CCDC73: variants seen among roughly 807,000 people sequenced by gnomAD.
CCDC73 encodes the protein coiled-coil domain containing 73.
In CCDC73, 95 loss-of-function variants were observed where a neutral mutation model predicts 116.5. That is an observed-to-expected ratio of 0.82 (90% CI 0.69 to 0.97). CCDC73 has a LOEUF of 0.97. Ranked by LOEUF, CCDC73 falls within the 50% of genes least tolerant of loss-of-function variation. The pLI is 0.00. For missense variants in CCDC73, 1,066 were observed against 1,206.8 expected (o/e 0.88, Z 1.73); for synonymous variants, 398 against 401.3 (o/e 0.99, Z 0.10).
chr11:32,648,976 AT>A (rs1481990619), intron 12 of CCDC73, among the ~76,000 whole-genome samples: 2 of 152,168 alleles, frequency 1.3e-5, no homozygotes, highest in East Asian at 1.9e-4. Context: ...TGATCTAGCA[AT>A]TTTGTTAGAT....
intron 13 of CCDC73, among the ~76,000 whole-genome samples, chr11:32,637,011 CTTTTTCTT>C (rs1487151293): frequency 9.6e-5 from 6 of 62,366 alleles, no homozygotes; most frequent in Non-Finnish European, 1.7e-4. Flanking sequence ...TTCACTTTTT[CTTTTTCTT>C]TTTTTTTTTT....
intron 12 of CCDC73, among the ~76,000 whole-genome samples, chr11:32,642,893 T>C (rs1291348852): frequency 5.9e-5 from 9 of 151,760 alleles, no homozygotes; most frequent in African/African-American, 1.4e-4. Flanking sequence ...GTAAAGTTAT[T>C]CTCTCAGTTT....
At chr11:32,650,344 C>T (rs754250121) in intron 12 of CCDC73, among the ~76,000 whole-genome samples, 2 of 152,058 alleles carry the variant, frequency 1.3e-5, no homozygotes, top group Admixed American at 6.6e-5. Context: ...GTGTACATTT[C>T]CTGGGTCTCT....
chr11:32,684,746 G>T (rs1273576818), intron 6 of CCDC73, among the ~76,000 whole-genome samples: 1 of 152,118 alleles, frequency 6.6e-6, no homozygotes, highest in Admixed American at 6.6e-5. Context: ...ACTTTAGGAG[G>T]CTGAGGCTGT....
chr11:32,619,725 G>A (rs1189347343), intron 14 of CCDC73, among the ~76,000 whole-genome samples: 1 of 151,534 alleles, frequency 6.6e-6, no homozygotes, highest in Non-Finnish European at 1.5e-5. Context: ...AGGAGGAGAA[G>A]GAGGAGATGA....
chr11:32,715,150 C>A (rs1384891459), intron 3 of CCDC73, among the ~76,000 whole-genome samples: 1 of 152,098 alleles, frequency 6.6e-6, no homozygotes, highest in African/African-American at 2.4e-5. Context: ...CTTAATCCAG[C>A]CCCTTAAGTG....
chr11:32,829,635 G>A, the CCDC73 span: 1 of 467,284 alleles, frequency 2.1e-6, no homozygotes, highest in Non-Finnish European at 2.8e-6. Context: ...TGGACGCGCC[G>A]AGGGCGCTCT....
intron 8 of CCDC73, 101 bp downstream of exon 8, chr11:32,675,785 C>T (rs1222879921): frequency 2.2e-5 from 27 of 1,230,588 alleles, no homozygotes; most frequent in Non-Finnish European, 2.9e-5. Flanking sequence ...CTGCCATTTA[C>T]TATTATCAGT....
chr11:32,685,589 C>T (rs1321898620), intron 6 of CCDC73, among the ~76,000 whole-genome samples: 3 of 151,838 alleles, frequency 2.0e-5, no homozygotes, highest in Non-Finnish European at 4.4e-5. Flanking sequence ...CAGAGAGGGG[C>T]AAGGGAAGGC....
chr11:32,632,274 G>A (rs1262784920), intron 14 of CCDC73, among the ~76,000 whole-genome samples: 2 of 152,170 alleles, frequency 1.3e-5, no homozygotes, highest in South Asian at 2.1e-4. Flanking sequence ...AGCCCAAGCT[G>A]GGGTGCAGTG....
intron 6 of CCDC73, among the ~76,000 whole-genome samples, chr11:32,695,090 C>T (rs12803283): frequency 0.026 from 3,881 of 152,098 alleles, 84 homozygotes; most frequent in South Asian, 0.053. Flanking sequence ...GCTTGCTGTC[C>T]GGGTGTGGTG....
At chr11:32,682,464 T>A (rs1226581731) in intron 7 of CCDC73, 3 of 152,012 alleles carry the variant, frequency 2.0e-5, no homozygotes, top group Non-Finnish European at 4.4e-5. Context: ...GACTCTTATT[T>A]TCTAACACAC....
At chr11:32,604,422 A>G (rs990442462) in intron 17 of CCDC73, 3 of 152,184 alleles carry the variant, frequency 2.0e-5, no homozygotes, top group African/African-American at 7.2e-5. Flanking sequence ...TTTAGTTGAA[A>G]GGGATATACA....
At chr11:32,734,264 T>C (rs1850106441) in intron 2 of CCDC73, among the ~76,000 whole-genome samples, 1 of 152,030 alleles carries the variant, frequency 6.6e-6, no homozygotes, top group Non-Finnish European at 1.5e-5. Context: ...GATTCTGAAA[T>C]TGCGGTAATA....
the CCDC73 span, chr11:32,830,167 G>A: frequency 7.8e-6 from 8 of 1,029,678 alleles, no homozygotes; most frequent in East Asian, 4.9e-4. Flanking sequence ...TGTGCGGGGG[G>A]ACACAGGTAC....
chr11:32,755,176 G>A (rs896507232), intron 2 of CCDC73, among the ~76,000 whole-genome samples: 3 of 146,824 alleles, frequency 2.0e-5, no homozygotes, highest in Non-Finnish European at 4.5e-5. Context: ...GTGAGCCACC[G>A]CACCCAGTCA....
At chr11:32,691,311 G>A (rs1028060552) in intron 6 of CCDC73, among the ~76,000 whole-genome samples, 1 of 152,104 alleles carries the variant, frequency 6.6e-6, no homozygotes, top group African/African-American at 2.4e-5. Flanking sequence ...CTCCCAAAGT[G>A]CTGAGATTAC....
At chr11:32,797,687 A>C (rs1850736174), upstream of CCDC73, among the ~76,000 whole-genome samples, 1 of 152,122 alleles carries the variant, frequency 6.6e-6, no homozygotes, top group African/African-American at 2.4e-5. Context: ...ACTTTGTCAT[A>C]TTTACTTTTA....
rs1259447886 is a variant in CCDC73 at position 32,734,433 on chromosome 11, T to C, written c.136-16286A>G. ...CTAACTCATTTTTTTTTCTTTTTTT[T>C]TTTTTTTTTTATTGATCATTCTTGG... On this transcript the variant is annotated intron_variant, in intron 2 of 17. Coordinates refer to ENST00000335185, the MANE Select transcript of CCDC73 (RefSeq NM_001008391.4). Among the ~76,000 whole-genome samples the C allele has an allele frequency of 4.7e-5, 7 of 147,724 alleles. No individual in the cohort carries two copies. The South Asian group carries it at 6.2e-4, about 13-fold the overall frequency.
Sources: allele counts gnomAD v4.1 joint callset (sites outside exome capture counted in the v4.1 genomes callset), GRCh38; gene constraint gnomAD v4.1.1; transcripts MANE v1.5; gene names NCBI Gene and HGNC (gene_info 2026-07-23, HGNC 2026-07-21).